The following FARS2 variants were observed in gnomAD, a reference collection of about 807,000 sequenced individuals.
FARS2 encodes phenylalanine--tRNA ligase, mitochondrial.
FARS2 carries 40 observed loss-of-function variants against 46.4 expected under a neutral mutation model. That is an observed-to-expected ratio of 0.86 (90% confidence interval 0.67 to 1.12). The LOEUF (loss-of-function observed/expected upper bound fraction) is 1.12. FARS2 is among the 50% of genes most tolerant of loss of function. The pLI, the probability that FARS2 is intolerant of heterozygous loss-of-function variation, is 0.00. For missense variants in FARS2, 513 were observed against 567.9 expected, an observed-to-expected ratio of 0.90 and a Z score of 0.98; for synonymous variants, 234 against 214.9, an observed-to-expected ratio of 1.09 and a Z score of -0.78.
At chr6:5,563,890 T>C (rs1177140235) in intron 5 of FARS2, among the ~76,000 whole-genome samples, 1 of 152,190 alleles carries the variant, frequency 6.6e-6, no homozygotes, top group African/African-American at 2.4e-5. Context: ...AGGCCGGCAT[T>C]TTCCCTGAGC....
chr6:5,312,885 A>G (rs1161468781), intron 1 of FARS2, among the ~76,000 whole-genome samples: 3 of 152,246 alleles, frequency 2.0e-5, no homozygotes, highest in Middle Eastern at 3.4e-3. Flanking sequence ...CCTGCCCCCA[A>G]AGAATCTGGG....
Position 5,624,877 on chromosome 6 carries a change from G to A in FARS2, c.1217+11557G>A, listed in dbSNP as rs1469323271. Reference sequence around the variant, plus strand: ...TTATGAGTGACACTCTGAATTGTTCGAGGTTTTTAAACTTGTGCCCTCCGT... The same window carrying A: ...TTATGAGTGACACTCTGAATTGTTCAAGGTTTTTAAACTTGTGCCCTCCGT... On this transcript the variant is annotated intron_variant, in intron 6 of 6. Transcript: ENST00000274680. Among the ~76,000 whole-genome samples the A allele has an allele frequency of 7.4e-5, 11 of 149,290 alleles. 1 individual carries two copies. The East Asian group carries it at 8.0e-4, about 11-fold the overall frequency.
intron 5 of FARS2, among the ~76,000 whole-genome samples, chr6:5,578,820 AAAAAAAAAAAAAACAAAAAAAAAAG>A (rs1773151340): frequency 1.8e-5 from 1 of 56,084 alleles, no homozygotes; most frequent in Non-Finnish European, 4.3e-5. Context: ...AAAAAAAAAA[AAAAAAAAAAAAAACAAAAAAAAAAG>A]AAAACAGTGG....
rs541724727 is a variant in FARS2 at position 5,757,814 on chromosome 6, C to T, written c.1218-13477C>T. ...ATGTGGGTACAAGGGCTCTGGAAGC[C>T]GCATAACTTTATAATTGTTCATTGT... On this transcript the variant is annotated intron_variant, in intron 6 of 6. Coordinates refer to ENST00000274680, the MANE Select transcript of FARS2 (RefSeq NM_006567.5). Among the ~76,000 whole-genome samples the T allele has an allele frequency of 1.1e-3, 161 of 152,264 alleles. 2 individuals are homozygous for T. Among genetic ancestry groups the T allele is most frequent in the Non-Finnish European group, 3.2e-4 (22 of 68,022 alleles).
intron 5 of FARS2, among the ~76,000 whole-genome samples, chr6:5,580,430 G>A (rs1773264600): frequency 6.6e-6 from 1 of 152,052 alleles, no homozygotes; most frequent in Non-Finnish European, 1.5e-5. Context: ...GCGCTCTGAG[G>A]CATATTTATT....
intron 6 of FARS2, among the ~76,000 whole-genome samples, chr6:5,708,669 A>G (rs188533790): frequency 2.0e-5 from 3 of 149,356 alleles, no homozygotes; most frequent in Non-Finnish European, 1.5e-5. Context: ...CCCTCACTTT[A>G]TGGTTTTTAG....
chr6:5,501,049 A>C (rs752472125), intron 4 of FARS2, among the ~76,000 whole-genome samples: 11 of 152,156 alleles, frequency 7.2e-5, no homozygotes, highest in Non-Finnish European at 1.5e-4. Flanking sequence ...CACAAGATTC[A>C]TTCACCCAGA....
At chr6:5,657,747 A>T (rs142895541) in intron 6 of FARS2, among the ~76,000 whole-genome samples, 43 of 152,340 alleles carry the variant, frequency 2.8e-4, no homozygotes, top group African/African-American at 1.0e-3. Context: ...ATTGATGTTC[A>T]ATTTTATAAC....
intron 6 of FARS2, among the ~76,000 whole-genome samples, chr6:5,747,210 G>T (rs1352940252): frequency 6.6e-6 from 1 of 152,246 alleles, no homozygotes; most frequent in Non-Finnish European, 1.5e-5. Flanking sequence ...GCGAGAGCCA[G>T]ATCACATGGG....
intron 4 of FARS2, among the ~76,000 whole-genome samples, chr6:5,483,805 G>A (rs1436013743): frequency 6.6e-6 from 1 of 152,102 alleles, no homozygotes; most frequent in Non-Finnish European, 1.5e-5. Context: ...AGGTGAGGGG[G>A]GGCATTAAGA....
At chr6:5,654,997 GT>G in intron 6 of FARS2, among the ~76,000 whole-genome samples, 1 of 152,242 alleles carries the variant, frequency 6.6e-6, no homozygotes, top group Admixed American at 6.5e-5. Context: ...TAGCAGTATA[GT>G]ATATAATACA....
At position 5,403,259 on chromosome 6, in the gene FARS2, C is replaced by G. The variant is rs115412472; in HGVS notation, c.613-1283C>G. Among the ~76,000 whole-genome samples the G allele has an allele frequency of 5.4e-3, 827 of 152,286 alleles. 6 individuals are homozygous for G. The highest frequency in any genetic ancestry group is 0.019 in the African/African-American group (779 of 41,558). On this transcript the variant is annotated intron_variant, in intron 2 of 6. Transcript: ENST00000274680. ...TAGATCATCTTCGTAGCCTGAAGCT[C>G]TCTCTATTGTTCAGAAAATGTGATA... is the stretch of plus-strand genomic sequence containing the variant.
At chr6:5,539,384 G>GTGTGTATGTGTATATA in intron 4 of FARS2, among the ~76,000 whole-genome samples, 4 of 79,572 alleles carry the variant, frequency 5.0e-5, no homozygotes, top group African/African-American at 1.9e-4. Context: ...TTTTTTTTGT[G>GTGTGTATGTGTATATA]TATATATATA....
chr6:5,300,734 C>T (rs779043702), intron 1 of FARS2, among the ~76,000 whole-genome samples: 15 of 151,832 alleles, frequency 9.9e-5, no homozygotes, highest in Non-Finnish European at 2.2e-4. Context: ...GCAGTGATGC[C>T]ATCATAGCTT....
At chr6:5,337,505 G>T (rs1413686420) in intron 1 of FARS2, among the ~76,000 whole-genome samples, 1 of 151,922 alleles carries the variant, frequency 6.6e-6, no homozygotes, top group Non-Finnish European at 1.5e-5. Flanking sequence ...TTCTTTTGTG[G>T]TTTCTTATAA....
intron 6 of FARS2, among the ~76,000 whole-genome samples, chr6:5,673,194 C>T (rs1448197900): frequency 2.0e-5 from 3 of 152,202 alleles, no homozygotes; most frequent in Non-Finnish European, 4.4e-5. Flanking sequence ...GAAGCACTGT[C>T]TACTTCCCAC....
intron 6 of FARS2, among the ~76,000 whole-genome samples, chr6:5,699,849 C>G (rs897484122): frequency 6.6e-6 from 1 of 152,148 alleles, no homozygotes; most frequent in African/African-American, 2.4e-5. Flanking sequence ...CAGGTCTGGA[C>G]TGGGGCCTTG....
At chr6:5,576,469 G>A (rs141859640) in intron 5 of FARS2, among the ~76,000 whole-genome samples, 15 of 151,690 alleles carry the variant, frequency 9.9e-5, no homozygotes, top group Middle Eastern at 3.4e-3. Context: ...ACTGGCTTTC[G>A]TGCTCCTCAG....
At chr6:5,344,442 G>A (rs1757099082) in intron 1 of FARS2, among the ~76,000 whole-genome samples, 1 of 152,168 alleles carries the variant, frequency 6.6e-6, no homozygotes, top group African/African-American at 2.4e-5. Flanking sequence ...GGCCTCTTGA[G>A]TATACTGTAC....
Sources: gnomAD v4.1 joint callset for allele counts (sites outside exome capture counted in the v4.1 genomes callset) on GRCh38, gnomAD v4.1.1 for gene constraint, MANE v1.5 for transcripts, NCBI Gene and HGNC (gene_info 2026-07-23, HGNC 2026-07-21) for gene names.